TIAM1: variants seen among roughly 807,000 people sequenced by gnomAD.
TIAM1 encodes the protein TIAM Rac1 associated GEF 1.
Under a neutral mutation model 163.5 loss-of-function variants are expected in TIAM1, and 65 were observed. The observed-to-expected ratio is 0.40, with a 90% CI of 0.33 to 0.49. The LOEUF is 0.49. Ranked by LOEUF, TIAM1 falls within the 20% of genes least tolerant of loss-of-function variation. The probability of loss-of-function intolerance (pLI) is 0.77; values close to 1 mark genes in which losing one functional copy is unlikely to be tolerated. For synonymous variants in TIAM1, 833 were observed against 810.1 expected, an observed-to-expected ratio of 1.03 and a Z score of -0.48; for missense variants, 1,789 against 2,044.7, an observed-to-expected ratio of 0.87 and a Z score of 2.41.
intron 2 of TIAM1, among the ~76,000 whole-genome samples, chr21:31,459,716 A>T (rs1306015918): frequency 6.6e-6 from 1 of 152,140 alleles, no homozygotes; most frequent in Admixed American, 6.6e-5. Flanking sequence ...GGTGAAGAGC[A>T]CCCACCACCT....
In TIAM1 at chr21:31,249,829, T is replaced by C. The variant is rs574030729; in HGVS notation, c.1411+1913A>G. ...CCACACGATGCACATCTATGTCTCA[T>C]AGGCAAGACCACTACAGCAAAAAAT... On this transcript the variant is annotated intron_variant, in intron 5 of 27. Coordinates refer to ENST00000541036, the MANE Select transcript of TIAM1 (RefSeq NM_001353694.2). 4.6e-5 allele frequency among the ~76,000 whole-genome samples: 7 copies of C among 152,242 alleles called. No homozygotes were observed. The East Asian group carries it at 1.2e-3, about 25-fold the overall frequency.
chr21:31,279,193 G>A (rs2146867595), intron 2 of TIAM1, among the ~76,000 whole-genome samples: 1 of 152,100 alleles, frequency 6.6e-6, no homozygotes, highest in Admixed American at 6.5e-5. Flanking sequence ...AAACACGAAG[G>A]AAAGCAAAAC....
chr21:31,174,956 T>G (rs926889374), intron 15 of TIAM1, among the ~76,000 whole-genome samples: 1 of 152,146 alleles, frequency 6.6e-6, no homozygotes, highest in African/African-American at 2.4e-5. Flanking sequence ...TGTTACTTTC[T>G]TTTTTAGAGA....
intron 2 of TIAM1, among the ~76,000 whole-genome samples, chr21:31,381,451 T>C (rs2076777720): frequency 6.6e-6 from 1 of 152,100 alleles, no homozygotes; most frequent in Non-Finnish European, 1.5e-5. Flanking sequence ...GTGGATCACT[T>C]GAGGCCAGGA....
At chr21:31,263,602 C>T (rs1304603766) in intron 4 of TIAM1, among the ~76,000 whole-genome samples, 1 of 152,108 alleles carries the variant, frequency 6.6e-6, no homozygotes, top group African/African-American at 2.4e-5. Flanking sequence ...AACTCAAAGG[C>T]TCAAATCCCC....
upstream of TIAM1, among the ~76,000 whole-genome samples, chr21:31,347,633 C>T (rs1280782118): frequency 6.6e-6 from 1 of 152,214 alleles, no homozygotes; most frequent in South Asian, 2.1e-4. Flanking sequence ...AGAGGGAGCA[C>T]AGCTGACTTT....
At chr21:31,128,692 T>C (rs1345013554) in intron 25 of TIAM1, among the ~76,000 whole-genome samples, 1 of 152,182 alleles carries the variant, frequency 6.6e-6, no homozygotes, top group East Asian at 1.9e-4. Context: ...ACATCATAAG[T>C]AAAAGGGCAT....
At chr21:31,277,932 C>G (rs2073374456) in intron 2 of TIAM1, among the ~76,000 whole-genome samples, 1 of 152,092 alleles carries the variant, frequency 6.6e-6, no homozygotes, top group Non-Finnish European at 1.5e-5. Context: ...TAAATACACA[C>G]CAGCCTATTT....
chr21:31,481,938 C>G (rs2046120921), intron 1 of TIAM1, among the ~76,000 whole-genome samples: 1 of 151,960 alleles, frequency 6.6e-6, no homozygotes, highest in East Asian at 1.9e-4. Context: ...ATGGTTTGGT[C>G]TTTCTGGAAA....
chr21:31,532,455 TCTTA>T (rs1602505305), intron 1 of TIAM1, among the ~76,000 whole-genome samples: 1 of 152,196 alleles, frequency 6.6e-6, no homozygotes, highest in East Asian at 1.9e-4. Context: ...TTATGACTAC[TCTTA>T]CTTCTTTATT....
intron 2 of TIAM1, among the ~76,000 whole-genome samples, chr21:31,381,823 C>A (rs905076547): frequency 3.3e-5 from 5 of 152,090 alleles, no homozygotes; most frequent in African/African-American, 1.2e-4. Context: ...CAGAGTAAGA[C>A]CCTGTCTCAA....
chr21:31,289,547 T>C (rs1296429764), intron 2 of TIAM1, among the ~76,000 whole-genome samples: 2 of 152,194 alleles, frequency 1.3e-5, no homozygotes, highest in East Asian at 1.9e-4. Context: ...TAAGCTCATT[T>C]AAAAGCCGGT....
chr21:31,294,635 T>C (rs2074162195), intron 2 of TIAM1, among the ~76,000 whole-genome samples: 1 of 152,178 alleles, frequency 6.6e-6, no homozygotes, highest in South Asian at 2.1e-4. Context: ...CCGTTGGGTA[T>C]GGTATGTAAA....
At chr21:31,269,667 G>A (rs953906834) in intron 3 of TIAM1, among the ~76,000 whole-genome samples, 2 of 130,590 alleles carry the variant, frequency 1.5e-5, no homozygotes, top group Non-Finnish European at 3.2e-5. Flanking sequence ...CTTTAAGTTT[G>A]TTTGTTTTTT....
intron 4 of TIAM1, among the ~76,000 whole-genome samples, chr21:31,254,887 C>G (rs2072008710): frequency 6.6e-6 from 1 of 152,126 alleles, no homozygotes. Context: ...GAGGCAGAAA[C>G]CCGAAAGACC....
In TIAM1 at chr21:31,141,223, G is replaced by T; in HGVS notation, c.3669C>A (p.Thr1223=). Residue 1223 remains threonine (T), a synonymous_variant, in exon 22 of 28, where the codon ACC becomes ACA. Coordinates refer to ENST00000541036, the MANE Select transcript of TIAM1 (RefSeq NM_001353694.2). The surrounding 1 kb of genome is among the most constrained non-coding windows in gnomAD (Gnocchi z 4.7). ...TGATGTGACTGGCAACCTTGTTCAT[G>T]GTCTTGATGGCCACTGGAAGAAAAC... ...EHYHLDVAIK[T]MNKVASHINE... The T allele has an allele frequency of 1.2e-6, 2 of 1,614,124 alleles. No individual in the cohort carries two copies. Among genetic ancestry groups the T allele is most frequent in the Non-Finnish European group, 1.7e-6 (2 of 1,180,032 alleles).
chr21:31,293,436 G>C (rs968732834), intron 2 of TIAM1, among the ~76,000 whole-genome samples: 5 of 152,136 alleles, frequency 3.3e-5, no homozygotes, highest in African/African-American at 1.2e-4. Context: ...CAAACGACTA[G>C]GCACCACAAC....
chr21:31,139,030 A>G (rs1414669124), intron 22 of TIAM1, among the ~76,000 whole-genome samples: 1 of 152,198 alleles, frequency 6.6e-6, no homozygotes, highest in Non-Finnish European at 1.5e-5. Context: ...CCCACAAAAA[A>G]TACTTTGTAT....
intron 1 of TIAM1, among the ~76,000 whole-genome samples, chr21:31,554,400 C>T (rs1420269119): frequency 6.6e-6 from 1 of 151,962 alleles, no homozygotes; most frequent in Non-Finnish European, 1.5e-5. Context: ...TTCCCCCTCC[C>T]TTTCATCTTT....
Sources: allele counts gnomAD v4.1 joint callset (sites outside exome capture counted in the v4.1 genomes callset), GRCh38; gene constraint gnomAD v4.1.1; non-coding constraint Gnocchi (gnomAD v3.1); transcripts MANE v1.5; gene names NCBI Gene and HGNC (gene_info 2026-07-23, HGNC 2026-07-21).